FAM222B: variants seen among roughly 807,000 people sequenced by gnomAD.
The protein encoded by FAM222B is family with sequence similarity 222 member B.
FAM222B carries 12 observed loss-of-function variants against 38.0 expected under a neutral mutation model. The ratio of observed to expected loss-of-function variants is 0.32; its 90% CI spans 0.20 to 0.51. The LOEUF is 0.51. Among genes scored for constraint, FAM222B ranks in the 20% least tolerant of loss-of-function variants. The pLI is 0.97. For missense variants in FAM222B, 716 were observed against 754.2 expected, an observed-to-expected ratio of 0.95 and a Z score of 0.59; for synonymous variants, 329 against 317.2, an observed-to-expected ratio of 1.04 and a Z score of -0.40.
intron 1 of FAM222B, among the ~76,000 whole-genome samples, chr17:28,830,999 T>G (rs370385254): frequency 0.18 from 25,998 of 143,470 alleles, 2,053 homozygotes; most frequent in South Asian, 0.29. Context: ...TCTTTTTTTT[T>G]TTTTTTTTTT....
chr17:28,823,032 G>A (rs1369535959), intron 1 of FAM222B, among the ~76,000 whole-genome samples: 1 of 149,970 alleles, frequency 6.7e-6, no homozygotes, highest in Non-Finnish European at 1.5e-5. Flanking sequence ...CTCCAGCCTG[G>A]GCAAGAGACT....
At chr17:28,765,312 T>G (rs1213423011) in intron 2 of FAM222B, among the ~76,000 whole-genome samples, 1 of 152,202 alleles carries the variant, frequency 6.6e-6, no homozygotes, top group African/African-American at 2.4e-5. Flanking sequence ...TTGCTGTTTT[T>G]TTGTAAAAAA....
chr17:28,783,687 C>T (rs190673070), intron 1 of FAM222B, among the ~76,000 whole-genome samples: 586 of 151,974 alleles, frequency 3.9e-3, no homozygotes, highest in Admixed American at 6.8e-3. Flanking sequence ...TTTTTTGTAT[C>T]TTTAGTAGAG....
chr17:28,774,565 C>T (rs2035794849), intron 1 of FAM222B, among the ~76,000 whole-genome samples: 1 of 152,112 alleles, frequency 6.6e-6, no homozygotes, highest in Non-Finnish European at 1.5e-5. Flanking sequence ...AACCTTTTTC[C>T]CTACTGGAAA....
intron 1 of FAM222B, chr17:28,812,200 C>A (rs1351033020): frequency 6.6e-6 from 1 of 152,252 alleles, no homozygotes; most frequent in Non-Finnish European, 1.5e-5. Flanking sequence ...AGAAAAAGCA[C>A]ACACACACCT....
chr17:28,801,031 G>A (rs953146019), intron 1 of FAM222B, among the ~76,000 whole-genome samples: 3 of 151,708 alleles, frequency 2.0e-5, no homozygotes, highest in Non-Finnish European at 2.9e-5. Context: ...GGTGGCAGGC[G>A]CCTGTAACCC....
chr17:28,843,272 G>C (rs1451983764), upstream of FAM222B, among the ~76,000 whole-genome samples: 3 of 151,066 alleles, frequency 2.0e-5, no homozygotes, highest in African/African-American at 7.3e-5. Flanking sequence ...CGAGTAGCTG[G>C]GATTACAGGC....
chr17:28,796,994 CTTTTTTTTTTT>C (rs34242589), intron 1 of FAM222B, among the ~76,000 whole-genome samples: 4 of 81,606 alleles, frequency 4.9e-5, no homozygotes, highest in South Asian at 4.8e-4. Context: ...GTGGCTATTG[CTTTTTTTTTTT>C]TTTTTTTTTT....
chr17:28,830,050 T>C (rs906014629), intron 1 of FAM222B, among the ~76,000 whole-genome samples: 33 of 151,954 alleles, frequency 2.2e-4, no homozygotes, highest in South Asian at 8.3e-4. Context: ...GAGGTTTCAC[T>C]GTGTTAACCA....
At chr17:28,818,752 G>A (rs1377266837) in intron 1 of FAM222B, among the ~76,000 whole-genome samples, 1 of 152,100 alleles carries the variant, frequency 6.6e-6, no homozygotes, top group East Asian at 1.9e-4. Flanking sequence ...TAGAGAGCTG[G>A]AAAGAAGGGG....
intron 1 of FAM222B, among the ~76,000 whole-genome samples, chr17:28,824,432 T>C (rs1228160708): frequency 6.6e-6 from 1 of 151,718 alleles, no homozygotes; most frequent in East Asian, 1.9e-4. Context: ...GTGATCCTCT[T>C]GTCTCAGACC....
intron 1 of FAM222B, among the ~76,000 whole-genome samples, chr17:28,790,883 A>AAATTTTTTTTTT (rs1567838640): frequency 6.7e-4 from 6 of 8,904 alleles, no homozygotes; most frequent in African/African-American, 3.2e-3. Flanking sequence ...AAATTGTTTC[A>AAATTTTTTTTTT]CTTTTTTTTT....
chr17:28,825,433 C>CAAA (rs935599439), intron 1 of FAM222B, among the ~76,000 whole-genome samples: 13 of 41,116 alleles, frequency 3.2e-4, no homozygotes, highest in South Asian at 8.2e-4. Context: ...GATCCCGTCT[C>CAAA]AAAAAAAAAA....
chr17:28,831,920 T>C (rs1397382169), intron 1 of FAM222B, among the ~76,000 whole-genome samples: 1 of 152,202 alleles, frequency 6.6e-6, no homozygotes, highest in African/African-American at 2.4e-5. Context: ...CCGAGTGCAG[T>C]GGCTCACGCC....
intron 1 of FAM222B, among the ~76,000 whole-genome samples, chr17:28,829,845 T>C (rs2038597415): frequency 6.6e-6 from 1 of 152,106 alleles, no homozygotes; most frequent in Non-Finnish European, 1.5e-5. Flanking sequence ...GGTCATTTTT[T>C]TTAAATTTTT....
intron 1 of FAM222B, among the ~76,000 whole-genome samples, chr17:28,816,105 A>T (rs2038012401): frequency 6.6e-6 from 1 of 151,700 alleles, no homozygotes; most frequent in Non-Finnish European, 1.5e-5. Flanking sequence ...GTGAAACCTC[A>T]TCGCTACAAT....
At chr17:28,840,069 A>T (rs2038981782) in intron 1 of FAM222B, among the ~76,000 whole-genome samples, 1 of 152,122 alleles carries the variant, frequency 6.6e-6, no homozygotes, top group Non-Finnish European at 1.5e-5. Flanking sequence ...AGGAGTCTGC[A>T]TCTCTACTTT....
At chr17:28,769,923 G>A (rs933092286) in intron 1 of FAM222B, among the ~76,000 whole-genome samples, 4 of 152,108 alleles carry the variant, frequency 2.6e-5, no homozygotes, top group Non-Finnish European at 5.9e-5. Context: ...TCAGGTTTCT[G>A]CTTAAATGTC....
chr17:28,826,677 G>A (rs913077640), intron 1 of FAM222B, among the ~76,000 whole-genome samples: 15 of 111,908 alleles, frequency 1.3e-4, no homozygotes, highest in African/African-American at 4.0e-4. Context: ...GCAGAACTCC[G>A]TCTCAAAAAA....
Sources: allele counts gnomAD v4.1 joint callset (sites outside exome capture counted in the v4.1 genomes callset), GRCh38; gene constraint gnomAD v4.1.1; transcripts MANE v1.5; gene names NCBI Gene and HGNC (gene_info 2026-07-23, HGNC 2026-07-21).